LRRC2: variants seen among roughly 807,000 people sequenced by gnomAD.
LRRC2 encodes the protein leucine rich repeat containing 2, also known as leucine-rich repeat-containing protein 2.
LRRC2 carries 27 observed loss-of-function variants against 40.2 expected under a neutral mutation model. The ratio of observed to expected loss-of-function variants is 0.67; its 90% confidence interval spans 0.49 to 0.93. LRRC2 has a LOEUF of 0.93. LRRC2 is among the 40% of genes least tolerant of loss of function. The probability of loss-of-function intolerance (pLI) is 0.00; values close to 1 mark genes in which losing one functional copy is unlikely to be tolerated. For missense variants in LRRC2, 402 were observed against 439.6 expected (o/e 0.91, Z 0.76); for synonymous variants, 147 against 158.9 (o/e 0.92, Z 0.56).
intron 7 of LRRC2, among the ~76,000 whole-genome samples, chr3:46,526,570 A>G (rs1704063505): frequency 6.6e-6 from 1 of 152,228 alleles, no homozygotes. Context: ...GTGCTTATAC[A>G]GATATGGAGT....
intron 2 of LRRC2, among the ~76,000 whole-genome samples, chr3:46,546,057 G>T (rs1704519103): frequency 6.6e-6 from 1 of 152,218 alleles, no homozygotes; most frequent in African/African-American, 2.4e-5. Context: ...TAGGGGCTTA[G>T]ATGCATTCCA....
chr3:46,531,558 T>A (rs1039749448), intron 5 of LRRC2, among the ~76,000 whole-genome samples: 1 of 152,142 alleles, frequency 6.6e-6, no homozygotes, highest in Non-Finnish European at 1.5e-5. Flanking sequence ...TATTTATGGA[T>A]TGGATATGGC....
At chr3:46,537,535 T>C (rs1359624721) in intron 4 of LRRC2, among the ~76,000 whole-genome samples, 1 of 152,172 alleles carries the variant, frequency 6.6e-6, no homozygotes, top group Non-Finnish European at 1.5e-5. Flanking sequence ...AGTTCCTTAG[T>C]GTAATATGTA....
At chr3:46,554,187 T>G (rs1575360804) in intron 1 of LRRC2, among the ~76,000 whole-genome samples, 2 of 152,032 alleles carry the variant, frequency 1.3e-5, no homozygotes, top group South Asian at 4.2e-4. Context: ...GCCCAGATAA[T>G]TTTTGTATTT....
At chr3:46,551,408 G>C (rs965891043) in intron 2 of LRRC2, 59 bp downstream of exon 2, 4 of 1,575,406 alleles carry the variant, frequency 2.5e-6, no homozygotes, top group Non-Finnish European at 3.4e-6. Flanking sequence ...CGCAACTGTT[G>C]CCTGTCCAAA....
intron 1 of LRRC2, among the ~76,000 whole-genome samples, chr3:46,561,209 A>G (rs1704932365): frequency 6.6e-6 from 1 of 152,022 alleles, no homozygotes; most frequent in Non-Finnish European, 1.5e-5. Flanking sequence ...AAGAGGGACT[A>G]GCCCAAGAGG....
At chr3:46,526,422 G>T (rs1704061208) in intron 7 of LRRC2, among the ~76,000 whole-genome samples, 1 of 152,168 alleles carries the variant, frequency 6.6e-6, no homozygotes, top group South Asian at 2.1e-4. Context: ...CTAGGGAGGA[G>T]TCCTGCTACC....
rs1159070169 is a variant in LRRC2, at chr3:46,518,668, T to C, written c.*346A>G. Reference sequence around the variant, plus strand: ...TGAGCCACCACACCCGGCCCCTTTATCTTTTGATTCCTGAAAACAATGCAC... The same window carrying C: ...TGAGCCACCACACCCGGCCCCTTTACCTTTTGATTCCTGAAAACAATGCAC... On this transcript the variant is annotated 3_prime_UTR_variant, in exon 9 of 9. Coordinates refer to ENST00000395905, the MANE Select transcript of LRRC2 (RefSeq NM_024512.5). The C allele has an allele frequency of 5.7e-6, 1 of 174,198 alleles. No individual in the cohort carries two copies. Among genetic ancestry groups the C allele is most frequent in the Non-Finnish European group, 1.2e-5 (1 of 83,208 alleles). The allele number at this position is 174,198 out of a possible 1,614,324, so 10.8% of individuals were successfully genotyped here.
At chr3:46,530,835 T>C (rs1243066164) in intron 5 of LRRC2, among the ~76,000 whole-genome samples, 5 of 152,212 alleles carry the variant, frequency 3.3e-5, no homozygotes, top group African/African-American at 9.6e-5. Flanking sequence ...GTGGGAATTA[T>C]GGGAGCTGCA....
chr3:46,527,512 G>A lies in LRRC2; in HGVS notation c.843C>T (p.Asn281=). ...CGACTAACAGAGTGAGCTTCTTCAG[G>A]TTCAGCATGGAATAGGGAAGGTAGG... ...KLTYLPYSML[N]LKKLTLLVVS... The change falls in exon 7 of 9, where the codon AAC becomes AAT. Residue 281 remains asparagine (N), a synonymous_variant. Transcript: ENST00000395905. 1.2e-6 allele frequency: 2 copies of A among 1,613,912 alleles called. No homozygotes were observed. Among genetic ancestry groups the A allele is most frequent in the South Asian group, 1.1e-5 (1 of 91,066 alleles).
chr3:46,550,530 T>A (rs1485286398), intron 2 of LRRC2, among the ~76,000 whole-genome samples: 1 of 152,054 alleles, frequency 6.6e-6, no homozygotes, highest in Non-Finnish European at 1.5e-5. Context: ...TAGCTGGGAC[T>A]ACAGGCGCCC....
chr3:46,551,050 C>G (rs944613891), intron 2 of LRRC2: 1 of 154,484 alleles, frequency 6.5e-6, no homozygotes, highest in Non-Finnish European at 1.4e-5. Context: ...ATGAATCTTA[C>G]CTAGAATTCA....
rs1446938502 is a variant in LRRC2 at position 46,517,232 on chromosome 3, T to C, written c.*1782A>G. On this transcript the variant is annotated 3_prime_UTR_variant, in exon 9 of 9. Transcript: ENST00000395905. Reference sequence around the variant, plus strand: ...ACAGAGGAGATGATTCATATAAAAATATGCCACTATATGCATATTTTCCTT... The same window carrying C: ...ACAGAGGAGATGATTCATATAAAAACATGCCACTATATGCATATTTTCCTT... The C allele has an allele frequency of 6.6e-6, 1 of 151,060 alleles. No individual in the cohort carries two copies. The highest frequency in any genetic ancestry group is 1.9e-4 in the East Asian group (1 of 5,174). The allele number at this position is 151,060 out of a possible 1,614,324, so 9.4% of individuals were successfully genotyped here. A position where few individuals can be genotyped will look rare whatever the true frequency, so the allele number is the denominator to read the frequency against.
intron 7 of LRRC2, 127 bp from the exon 8 acceptor site, chr3:46,521,785 T>G (rs1703968642): frequency 2.4e-6 from 2 of 831,364 alleles, no homozygotes; most frequent in African/African-American, 1.7e-5. Flanking sequence ...TTTGACCACA[T>G]GATATCAGCA....
Position 46,531,049 on chromosome 3 carries a change from T to C in LRRC2, c.628-999A>G, listed in dbSNP as rs572659754. 4.9e-4 allele frequency among the ~76,000 whole-genome samples: 75 copies of C among 152,132 alleles called. 1 individual carries two copies. The highest frequency in any genetic ancestry group is 1.0e-3 in the African/African-American group (42 of 41,482). On this transcript the variant is annotated intron_variant, in intron 5 of 8. Transcript: ENST00000395905. ...GCCCCCCTGACGTATGTCAGGAAGA[T>C]ACAAGAATCATAAATGTATATGCAA...
chr3:46,558,928 G>C (rs954027954), intron 1 of LRRC2: 1 of 152,152 alleles, frequency 6.6e-6, no homozygotes, highest in East Asian at 1.9e-4. Context: ...GGGCCGGGGA[G>C]GAAGGGAATG....
chr3:46,542,817 G>A (rs1238910249), intron 3 of LRRC2, among the ~76,000 whole-genome samples: 3 of 152,112 alleles, frequency 2.0e-5, no homozygotes, highest in African/African-American at 4.8e-5. Context: ...ACTCAAAACA[G>A]GAGCCCCAGC....
At chr3:46,529,704 C>T (rs548681085) in intron 6 of LRRC2, among the ~76,000 whole-genome samples, 6 of 152,136 alleles carry the variant, frequency 3.9e-5, no homozygotes, top group African/African-American at 4.8e-5. Flanking sequence ...TTCAAATGCA[C>T]GTAAACACAT....
chr3:46,558,462 A>G (rs1408137332), intron 1 of LRRC2: 2 of 152,162 alleles, frequency 1.3e-5, no homozygotes, highest in South Asian at 2.1e-4. Flanking sequence ...CTATTCAGCT[A>G]TGTTCCGTGT....
Sources: gnomAD v4.1 joint callset for allele counts (sites outside exome capture counted in the v4.1 genomes callset) on GRCh38, gnomAD v4.1.1 for gene constraint, MANE v1.5 for transcripts, NCBI Gene and HGNC (gene_info 2026-07-23, HGNC 2026-07-21) for gene names.